Variants in SEMA6D observed in about 807,000 individuals in gnomAD.
SEMA6D encodes semaphorin 6D.
SEMA6D carries 35 observed loss-of-function variants against 106.6 expected under a neutral mutation model. The observed-to-expected ratio is 0.33, with a 90% CI of 0.25 to 0.44. SEMA6D has a LOEUF of 0.44. Among genes scored for constraint, SEMA6D ranks in the 20% least tolerant of loss-of-function variants. SEMA6D has a pLI of 1.00. For missense variants in SEMA6D, 1,185 were observed against 1,345.9 expected (o/e 0.88, Z 1.87); for synonymous variants, 499 against 487.7 (o/e 1.02, Z -0.31).
chr15:47,339,399 G>A (rs1363608053), intron 1 of SEMA6D, among the ~76,000 whole-genome samples: 1 of 152,132 alleles, frequency 6.6e-6, no homozygotes, highest in Non-Finnish European at 1.5e-5. Flanking sequence ...TCCAGGTAGT[G>A]TTGGAATTGA....
At chr15:47,408,678 A>G (rs1340311194) in intron 1 of SEMA6D, among the ~76,000 whole-genome samples, 1 of 152,238 alleles carries the variant, frequency 6.6e-6, no homozygotes, top group Non-Finnish European at 1.5e-5. Context: ...TTAATAAGCA[A>G]ATAGGTATTG....
chr15:47,349,533 G>T (rs1286710744), intron 1 of SEMA6D, among the ~76,000 whole-genome samples: 2 of 152,062 alleles, frequency 1.3e-5, no homozygotes, highest in Non-Finnish European at 2.9e-5. Context: ...CTGCTTGAAG[G>T]GCCTTTGTCT....
At chr15:47,683,883 T>C (rs2078413271) in intron 4 of SEMA6D, among the ~76,000 whole-genome samples, 1 of 152,210 alleles carries the variant, frequency 6.6e-6, no homozygotes, top group African/African-American at 2.4e-5. Context: ...TAGTGTTACC[T>C]TTTTCTATCA....
At chr15:47,687,156 G>A (rs952260645) in intron 4 of SEMA6D, among the ~76,000 whole-genome samples, 2 of 151,498 alleles carry the variant, frequency 1.3e-5, no homozygotes, top group African/African-American at 4.9e-5. Context: ...CTAGAAATAT[G>A]AAGGTTTTGT....
chr15:47,447,972 TTTC>T (rs1419677915), intron 2 of SEMA6D, among the ~76,000 whole-genome samples: 1 of 152,126 alleles, frequency 6.6e-6, no homozygotes, highest in Admixed American at 6.5e-5. Flanking sequence ...TCACAGAAGT[TTTC>T]TTTATTGATG....
upstream of SEMA6D, among the ~76,000 whole-genome samples, chr15:47,715,273 G>A (rs999709561): frequency 2.6e-5 from 4 of 152,156 alleles, no homozygotes; most frequent in Non-Finnish European, 4.4e-5. Flanking sequence ...GACTGGAGAA[G>A]TAGCAAAGTT....
At chr15:47,764,582 G>GA (rs2082237317) in intron 11 of SEMA6D, 56 bp from the exon 12 acceptor site, 1 of 1,600,160 alleles carries the variant, frequency 6.2e-7, no homozygotes, top group Non-Finnish European at 8.5e-7. Context: ...CTTAGATACA[G>GA]TACATGGTGT....
At chr15:47,541,713 T>C (rs556190493) in intron 3 of SEMA6D, among the ~76,000 whole-genome samples, 2 of 152,344 alleles carry the variant, frequency 1.3e-5, no homozygotes, top group South Asian at 4.1e-4. Context: ...GCTTTTCATA[T>C]ATGCACCTAA....
At chr15:47,401,339 G>A (rs924966488) in intron 1 of SEMA6D, among the ~76,000 whole-genome samples, 4 of 152,066 alleles carry the variant, frequency 2.6e-5, no homozygotes, top group African/African-American at 7.2e-5. Context: ...TGACAAGCAC[G>A]TTGTCTCCTT....
chr15:47,338,672 T>C (rs1473054899), intron 1 of SEMA6D, among the ~76,000 whole-genome samples: 1 of 152,198 alleles, frequency 6.6e-6, no homozygotes, highest in Non-Finnish European at 1.5e-5. Context: ...TCTAGTAATG[T>C]GGCAGCATCT....
chr15:47,553,047 C>T (rs1383698835), intron 3 of SEMA6D, among the ~76,000 whole-genome samples: 1 of 148,512 alleles, frequency 6.7e-6, no homozygotes, highest in Non-Finnish European at 1.5e-5. Flanking sequence ...TGGGATTACC[C>T]AGCCCACCTC....
intron 1 of SEMA6D, among the ~76,000 whole-genome samples, chr15:47,340,777 G>A (rs1335111717): frequency 2.0e-5 from 3 of 152,036 alleles, no homozygotes; most frequent in South Asian, 2.1e-4. Context: ...GTACTGATTC[G>A]AATAGATAGA....
At chr15:47,735,380 G>A (rs1333565495) in intron 1 of SEMA6D, among the ~76,000 whole-genome samples, 1 of 152,194 alleles carries the variant, frequency 6.6e-6, no homozygotes, top group Admixed American at 6.5e-5. Flanking sequence ...CAGTGAGTCT[G>A]TATTTATTCA....
chr15:47,632,249 A>G (rs373692375), intron 4 of SEMA6D, among the ~76,000 whole-genome samples: 3 of 152,032 alleles, frequency 2.0e-5, no homozygotes, highest in African/African-American at 7.2e-5. Context: ...AGAATGTTTC[A>G]TGGTTACTTT....
At chr15:47,256,952 C>A (rs1031958643) in intron 1 of SEMA6D, among the ~76,000 whole-genome samples, 1 of 152,054 alleles carries the variant, frequency 6.6e-6, no homozygotes, top group African/African-American at 2.4e-5. Flanking sequence ...CAAATCAGAA[C>A]AACATAATTG....
At chr15:47,487,601 C>G (rs528842239) in intron 3 of SEMA6D, among the ~76,000 whole-genome samples, 54 of 152,132 alleles carry the variant, frequency 3.5e-4, no homozygotes, top group Non-Finnish European at 1.6e-4. Flanking sequence ...CTATATGTCA[C>G]TTTTCTATGT....
At chr15:47,585,490 A>G (rs1229665974) in intron 3 of SEMA6D, among the ~76,000 whole-genome samples, 1 of 152,162 alleles carries the variant, frequency 6.6e-6, no homozygotes, top group Admixed American at 6.5e-5. Flanking sequence ...TGAAAAGGTA[A>G]TATTGCCTGG....
Position 47,228,471 on chromosome 15 carries a change from A to ACGTT in SEMA6D, c.-239+44053_-239+44054insCGTT, listed in dbSNP as rs5812366. Among the ~76,000 whole-genome samples, 143 of 151,494 alleles carry ACGTT rather than the reference A, an allele frequency of 9.4e-4. 1 individual carries two copies. Among genetic ancestry groups the ACGTT allele is most frequent in the Non-Finnish European group, 1.3e-3 (89 of 67,808 alleles). On this transcript the variant is annotated intron_variant, in intron 1 of 19. Coordinates refer to the SEMA6D transcript ENST00000558014. ...TCCCAGAACCAATAAGCCTTGGTAA[A>ACGTT]TGTTTGTTTATCTCTTTTATTTGTT...
chr15:47,367,693 C>T (rs1350097458), intron 1 of SEMA6D, among the ~76,000 whole-genome samples: 2 of 25,908 alleles, frequency 7.7e-5, no homozygotes, highest in Non-Finnish European at 1.6e-4. Flanking sequence ...CGCGCGCGCG[C>T]ACACACACAC....
Sources: allele counts gnomAD v4.1 joint callset (sites outside exome capture counted in the v4.1 genomes callset), GRCh38; gene constraint gnomAD v4.1.1; transcripts MANE v1.5; gene names NCBI Gene and HGNC (gene_info 2026-07-23, HGNC 2026-07-21).